Variants in TXLNB observed in about 807,000 individuals in gnomAD.
The protein encoded by TXLNB is beta-taxilin.
TXLNB carries 37 observed loss-of-function variants against 57.4 expected under a neutral mutation model. The ratio of observed to expected loss-of-function variants is 0.64; its 90% confidence interval spans 0.50 to 0.85. The LOEUF (loss-of-function observed/expected upper bound fraction) is 0.85, where lower values mean the gene tolerates loss of function less well. Among genes scored for constraint, TXLNB ranks in the 40% least tolerant of loss-of-function variants. The pLI is 0.00. For missense variants in TXLNB, 848 were observed against 825.6 expected (o/e 1.03, Z -0.33); for synonymous variants, 302 against 309.6 (o/e 0.98, Z 0.26).
intron 6 of TXLNB, among the ~76,000 whole-genome samples, chr6:139,257,872 G>T (rs943651): frequency 0.24 from 35,782 of 151,936 alleles, 4,504 homozygotes; most frequent in African/African-American, 0.3. Context: ...TTGTAAAATG[G>T]GTTGCATTTG....
the TXLNB span, among the ~76,000 whole-genome samples, chr6:139,165,044 C>T: frequency 6.6e-6 from 1 of 152,146 alleles, no homozygotes; most frequent in Non-Finnish European, 1.5e-5. Flanking sequence ...ATTAATGATC[C>T]TTTATGTGCC....
the TXLNB span, among the ~76,000 whole-genome samples, chr6:139,224,796 G>GA: frequency 6.6e-6 from 1 of 151,380 alleles, no homozygotes; most frequent in East Asian, 1.9e-4. Context: ...AAATATTTAA[G>GA]AAAAAAAAGA....
the TXLNB span, among the ~76,000 whole-genome samples, chr6:139,229,947 TC>T: frequency 6.6e-6 from 1 of 152,212 alleles, no homozygotes; most frequent in African/African-American, 2.4e-5. Context: ...TTTCTTTTTT[TC>T]CTGGACGTTA....
the TXLNB span, among the ~76,000 whole-genome samples, chr6:139,321,883 C>T: frequency 3.3e-5 from 5 of 152,190 alleles, no homozygotes; most frequent in East Asian, 1.9e-4. Flanking sequence ...CCGCCTGCCT[C>T]GGTCTCCCAA....
rs1326134748 is a variant in TXLNB, at chr6:139,242,983, C to G, written c.1598G>C (p.Ser533Thr). 6.2e-7 allele frequency: 1 copy of G among 1,614,186 alleles called. No individual in the cohort carries two copies. Among genetic ancestry groups the G allele is most frequent in the Non-Finnish European group, 8.5e-7 (1 of 1,180,046 alleles). ...TGGCTCCTTGAGAGCGGCGTCAGCA[C>G]TCTCCTGAGAACTGCCTATTTCGGG... ...TQPEIGSSQESADAALKEPEQ... is the reference protein window; with the variant it reads ...TQPEIGSSQETADAALKEPEQ... The change falls in exon 10 of 10, where the codon AGT becomes ACT. Residue 533 changes from serine to threonine, a missense_variant. Coordinates refer to ENST00000358430, the MANE Select transcript of TXLNB (RefSeq NM_153235.4).
At chr6:139,173,680 G>A in the TXLNB span, among the ~76,000 whole-genome samples, 1 of 152,252 alleles carries the variant, frequency 6.6e-6, no homozygotes, top group East Asian at 1.9e-4. Context: ...TATTTAAACT[G>A]TGATGCTTCC....
the TXLNB span, among the ~76,000 whole-genome samples, chr6:139,168,916 G>A: frequency 8.2e-4 from 125 of 152,236 alleles, no homozygotes; most frequent in African/African-American, 2.9e-3. Flanking sequence ...ATCTTACAAT[G>A]TCACTATTTT....
the TXLNB span, among the ~76,000 whole-genome samples, chr6:139,219,125 C>T: frequency 1.3e-5 from 2 of 152,196 alleles, no homozygotes. Flanking sequence ...TTGCCCATTT[C>T]TCACTGAAGT....
chr6:139,245,917 T>C (rs146082678), intron 8 of TXLNB, among the ~76,000 whole-genome samples: 1 of 152,256 alleles, frequency 6.6e-6, no homozygotes, highest in East Asian at 1.9e-4. Context: ...GGTCTTGAGC[T>C]CCTGACCTCA....
At chr6:139,166,671 A>C in the TXLNB span, 6 of 1,613,844 alleles carry the variant, frequency 3.7e-6, no homozygotes, top group Non-Finnish European at 5.1e-6. Context: ...GAGGCGGCGG[A>C]GGAGGCAAAA....
downstream of TXLNB, chr6:139,237,543 GATGTA>G (rs1218535914): frequency 2.0e-5 from 3 of 149,516 alleles, no homozygotes; most frequent in Admixed American, 1.3e-4. Flanking sequence ...AAAAAGAAAT[GATGTA>G]ATGTGTCTAT....
upstream of TXLNB, among the ~76,000 whole-genome samples, chr6:139,293,601 A>G (rs554719652): frequency 6.6e-6 from 1 of 152,192 alleles, no homozygotes; most frequent in East Asian, 1.9e-4. Flanking sequence ...CAGAAATATA[A>G]AATAGCAAAC....
chr6:139,235,746 C>T (rs778391157), downstream of TXLNB, among the ~76,000 whole-genome samples: 76 of 152,212 alleles, frequency 5.0e-4, no homozygotes, highest in Non-Finnish European at 6.2e-4. Context: ...CCTGTTTTCA[C>T]GCCCAAATGC....
the TXLNB span, among the ~76,000 whole-genome samples, chr6:139,202,440 T>C: frequency 2.0e-5 from 3 of 152,342 alleles, no homozygotes; most frequent in South Asian, 6.2e-4. Flanking sequence ...AAAACTTACG[T>C]GTATGTACAT....
At chr6:139,230,791 A>G in the TXLNB span, among the ~76,000 whole-genome samples, 1 of 152,226 alleles carries the variant, frequency 6.6e-6, no homozygotes, top group Admixed American at 6.5e-5. Context: ...GCCTTGTGAC[A>G]TTGTAAGCAA....
chr6:139,164,055 CACACACACACAA>C, the TXLNB span, among the ~76,000 whole-genome samples: 1 of 135,152 alleles, frequency 7.4e-6, no homozygotes, highest in Non-Finnish European at 1.6e-5. Flanking sequence ...CTCTCACACA[CACACACACACAA>C]ACACACACAC....
the TXLNB span, among the ~76,000 whole-genome samples, chr6:139,233,390 AATAT>A: frequency 7.5e-6 from 1 of 133,984 alleles, no homozygotes; most frequent in Admixed American, 7.7e-5. Flanking sequence ...TATATAAATA[AATAT>A]ATATTTTTAT....
chr6:139,246,560 G>A (rs781421146), intron 8 of TXLNB, among the ~76,000 whole-genome samples: 4 of 152,026 alleles, frequency 2.6e-5, no homozygotes, highest in Non-Finnish European at 5.9e-5. Flanking sequence ...CTTCCAAAAT[G>A]TATTAATTTA....
intron 7 of TXLNB, among the ~76,000 whole-genome samples, chr6:139,250,644 T>C (rs149745441): frequency 3.5e-4 from 54 of 152,288 alleles, no homozygotes; most frequent in African/African-American, 1.3e-3. Flanking sequence ...TTTTCCAACT[T>C]ATCAGTAACT....
Sources: allele counts gnomAD v4.1 joint callset (sites outside exome capture counted in the v4.1 genomes callset), GRCh38; gene constraint gnomAD v4.1.1; transcripts MANE v1.5; gene names NCBI Gene and HGNC (gene_info 2026-07-23, HGNC 2026-07-21).